GADL1: variants seen among roughly 807,000 people sequenced by gnomAD.
GADL1 encodes the protein acidic amino acid decarboxylase GADL1.
A neutral mutation model predicts 69.5 loss-of-function variants in GADL1; 71 were observed. The ratio of observed to expected loss-of-function variants is 1.02; its 90% confidence interval spans 0.84 to 1.25. GADL1 has a LOEUF of 1.25. Among genes scored for constraint, GADL1 ranks in the 50% most tolerant of loss-of-function variants. GADL1 has a pLI of 0.00. For missense variants in GADL1, 737 were observed against 631.8 expected (o/e 1.17, Z -1.79); for synonymous variants, 254 against 214.4 (o/e 1.18, Z -1.62).
At chr3:30,875,310 A>G (rs905986274) in intron 1 of GADL1, among the ~76,000 whole-genome samples, 1 of 151,854 alleles carries the variant, frequency 6.6e-6, no homozygotes. Flanking sequence ...TCTGAAACCA[A>G]TTTTGCAATC....
At chr3:30,858,238 CAG>C (rs1698258627) in intron 2 of GADL1, among the ~76,000 whole-genome samples, 1 of 151,946 alleles carries the variant, frequency 6.6e-6, no homozygotes, top group African/African-American at 2.4e-5. Context: ...AATGGATAAA[CAG>C]AGATAAGCAA....
At position 30,756,396 on chromosome 3, in the gene GADL1, T is replaced by C. The variant is rs111886236; in HGVS notation, c.1392+21783A>G. Among the ~76,000 whole-genome samples, 634 of 151,922 alleles carry C rather than the reference T, an allele frequency of 4.2e-3. 6 individuals are homozygous for C. Among genetic ancestry groups the C allele is most frequent in the South Asian group, 0.03 (146 of 4,824 alleles). On this transcript the variant is annotated intron_variant, in intron 14 of 14. Transcript: ENST00000282538. Reference sequence around the variant, plus strand: ...TCAAGCCATAAAACACTCTATAATGTATAAAGTTATAAAGGCATCTTTGTG... The same window carrying C: ...TCAAGCCATAAAACACTCTATAATGCATAAAGTTATAAAGGCATCTTTGTG...
chr3:30,748,660 C>A (rs367625642), intron 14 of GADL1, among the ~76,000 whole-genome samples: 49 of 152,288 alleles, frequency 3.2e-4, no homozygotes, highest in South Asian at 8.3e-4. Flanking sequence ...TAGCTTTTAT[C>A]GTCAGAAAAT....
At chr3:30,730,201 A>C (rs180935624) in intron 14 of GADL1, among the ~76,000 whole-genome samples, 4 of 152,322 alleles carry the variant, frequency 2.6e-5, no homozygotes, top group East Asian at 3.9e-4. Flanking sequence ...TCTGCTTCAA[A>C]CCCATGAATT....
At position 30,888,600 on chromosome 3, in the gene GADL1, G is replaced by A. The variant is rs916540277; in HGVS notation, c.37+5978C>T. The stretch of plus-strand genomic sequence containing the variant: ...TATTATCCCCAAGTGGGACGCAATA[G>A]GGGTACTGCCTTCAAATCAAGAGAT... On this transcript the variant is annotated intron_variant, in intron 1 of 14. Coordinates refer to ENST00000282538, the MANE Select transcript of GADL1 (RefSeq NM_207359.3). Among the ~76,000 whole-genome samples the A allele has an allele frequency of 4.6e-5, 7 of 152,204 alleles. No individual in the cohort carries two copies. In the East Asian group the frequency reaches 1.4e-3, roughly 29 times the overall value.
chr3:30,831,691 G>A (rs931144453), intron 11 of GADL1, among the ~76,000 whole-genome samples: 4 of 151,830 alleles, frequency 2.6e-5, no homozygotes, highest in South Asian at 2.1e-4. Context: ...AGAAAAATGC[G>A]AGAAGAATGC....
intron 12 of GADL1, among the ~76,000 whole-genome samples, chr3:30,788,650 C>T (rs1476461611): frequency 6.6e-6 from 1 of 152,220 alleles, no homozygotes; most frequent in African/African-American, 2.4e-5. Flanking sequence ...TTACCCACAA[C>T]AGAACTTCTT....
At chr3:30,761,853 T>C (rs962621493) in intron 14 of GADL1, among the ~76,000 whole-genome samples, 7 of 152,166 alleles carry the variant, frequency 4.6e-5, no homozygotes, top group Non-Finnish European at 8.8e-5. Flanking sequence ...AATGGCAATC[T>C]TGAAACAGCA....
chr3:30,857,201 T>C, intron 2 of GADL1, 60 bp from the exon 3 acceptor site: 1 of 1,452,910 alleles, frequency 6.9e-7, no homozygotes, highest in Non-Finnish European at 9.4e-7. Context: ...TGAGAGGATG[T>C]TACAAACGTG....
intron 8 of GADL1, among the ~76,000 whole-genome samples, chr3:30,841,651 A>AG (rs919011982): frequency 5.3e-5 from 8 of 152,180 alleles, no homozygotes; most frequent in African/African-American, 1.9e-4. Flanking sequence ...CTGACAATAA[A>AG]GAAGGAAGGA....
intron 13 of GADL1, among the ~76,000 whole-genome samples, chr3:30,780,828 G>A (rs1361070969): frequency 1.3e-5 from 2 of 152,108 alleles, no homozygotes; most frequent in African/African-American, 4.8e-5. Flanking sequence ...GAAATTTGAT[G>A]TTTCATTTGG....
At chr3:30,873,865 C>T (rs1270050818) in intron 1 of GADL1, among the ~76,000 whole-genome samples, 8 of 151,992 alleles carry the variant, frequency 5.3e-5, no homozygotes, top group African/African-American at 1.7e-4. Flanking sequence ...TCTTGCTTCT[C>T]AATGCACATG....
intron 14 of GADL1, among the ~76,000 whole-genome samples, chr3:30,754,019 A>G (rs1695903785): frequency 6.6e-6 from 1 of 152,236 alleles, no homozygotes; most frequent in Admixed American, 6.5e-5. Context: ...GGTGAGGGCT[A>G]CTTGCATTAC....
chr3:30,883,355 C>A (rs1698666757), intron 1 of GADL1, among the ~76,000 whole-genome samples: 2 of 151,946 alleles, frequency 1.3e-5, no homozygotes, highest in Admixed American at 1.3e-4. Context: ...CAATCTTATT[C>A]TTTTGCATGT....
chr3:30,751,738 C>T (rs965330677), intron 14 of GADL1, among the ~76,000 whole-genome samples: 1 of 152,262 alleles, frequency 6.6e-6, no homozygotes, highest in Non-Finnish European at 1.5e-5. Flanking sequence ...AGAAACTGAA[C>T]TAGATTTCTG....
rs187768357 is a variant in GADL1, at chr3:30,845,040, G to A, written c.652-574C>T. Among the ~76,000 whole-genome samples, 484 of 152,216 alleles carry A rather than the reference G, an allele frequency of 3.2e-3. 1 individual carries two copies. The highest frequency in any genetic ancestry group is 0.011 in the African/African-American group (471 of 41,532). On this transcript the variant is annotated intron_variant, in intron 6 of 14. Coordinates refer to ENST00000282538, the MANE Select transcript of GADL1 (RefSeq NM_207359.3). ...TAGAGAGGAATCTAATTATTTCCTAGAGCAAACAATGAGTTATAAGTGCTG... is the reference window on the plus strand; with the variant it reads ...TAGAGAGGAATCTAATTATTTCCTAAAGCAAACAATGAGTTATAAGTGCTG...
At chr3:30,754,130 T>TA (rs1052773452) in intron 14 of GADL1, among the ~76,000 whole-genome samples, 15 of 152,294 alleles carry the variant, frequency 9.8e-5, no homozygotes, top group African/African-American at 3.6e-4. Context: ...CCCAAATAAG[T>TA]AAAAACCCTT....
At chr3:30,805,258 A>G (rs1697229724) in intron 11 of GADL1, among the ~76,000 whole-genome samples, 1 of 152,220 alleles carries the variant, frequency 6.6e-6, no homozygotes, top group African/African-American at 2.4e-5. Context: ...ACTACATGAT[A>G]GGGCTAGGTT....
intron 11 of GADL1, among the ~76,000 whole-genome samples, chr3:30,833,542 A>C (rs1007932527): frequency 6.6e-6 from 1 of 152,120 alleles, no homozygotes; most frequent in African/African-American, 2.4e-5. Flanking sequence ...ATCAAGGAGA[A>C]AAAAATCTTG....
Sources: gnomAD v4.1 joint callset for allele counts (sites outside exome capture counted in the v4.1 genomes callset) on GRCh38, gnomAD v4.1.1 for gene constraint, MANE v1.5 for transcripts, NCBI Gene and HGNC (gene_info 2026-07-23, HGNC 2026-07-21) for gene names.